The following HAO2 variants were observed in gnomAD, a reference collection of about 807,000 sequenced individuals.
HAO2 encodes 2-Hydroxyacid oxidase 2.
In HAO2, 42 loss-of-function variants were observed where a neutral mutation model predicts 37.4. That is an observed-to-expected ratio of 1.12 (90% CI 0.88 to 1.45). The LOEUF (loss-of-function observed/expected upper bound fraction) is 1.45. Ranked by LOEUF, HAO2 falls within the 40% of genes most tolerant of loss-of-function variation. The probability of loss-of-function intolerance (pLI) is 0.00; values close to 1 mark genes in which losing one functional copy is unlikely to be tolerated. For missense variants in HAO2, 476 were observed against 430.2 expected (o/e 1.11, Z -0.94); for synonymous variants, 180 against 162.8 (o/e 1.11, Z -0.81).
chr1:119,388,267 C>T (rs587678078), intron 5 of HAO2, among the ~76,000 whole-genome samples: 2 of 152,274 alleles, frequency 1.3e-5, no homozygotes, highest in African/African-American at 2.4e-5. Context: ...ATGAAGAGCC[C>T]ATTACCAACA....
At chr1:119,381,532 G>A (rs997210768) in intron 2 of HAO2, among the ~76,000 whole-genome samples, 1 of 152,178 alleles carries the variant, frequency 6.6e-6, no homozygotes, top group Non-Finnish European at 1.5e-5. Context: ...TGGGCCTGCT[G>A]GGAGGCCTAG....
chr1:119,370,027 C>T (rs1356526300), intron 1 of HAO2: 1 of 152,154 alleles, frequency 6.6e-6, no homozygotes, highest in East Asian at 1.9e-4. Context: ...AGCTGATCTC[C>T]AGGGCTACCC....
At chr1:119,382,473 G>T (rs1238892178) in intron 2 of HAO2, among the ~76,000 whole-genome samples, 1 of 152,154 alleles carries the variant, frequency 6.6e-6, no homozygotes, top group African/African-American at 2.4e-5. Context: ...CTCATTCAGT[G>T]ACCTTTTCTT....
chr1:119,381,077 G>A lies in HAO2; in HGVS notation c.-8-1G>A, dbSNP rs754192177. On this transcript the variant is annotated splice_acceptor_variant, in intron 1 of 7. Transcript: ENST00000325945. LOFTEE classifies it low-confidence loss of function (5UTR_SPLICE). ...GTTTGGTTTTGTTTTCTCCTTGGAA[G>A]GTCCAGAAATGTCCTTGGTGTGTTT... The A allele has an allele frequency of 1.1e-5, 17 of 1,612,990 alleles. No individual in the cohort carries two copies. The highest frequency in any genetic ancestry group is 6.7e-5 in the Admixed American group (4 of 59,974).
At chr1:119,383,129 G>A (rs1650095289) in intron 3 of HAO2, 63 bp downstream of exon 3, 1 of 1,224,384 alleles carries the variant, frequency 8.2e-7, no homozygotes, top group Non-Finnish European at 1.2e-6. Context: ...AGCAGTGGCA[G>A]AGGCTCCAAG....
rs587776109 is a variant in HAO2, at chr1:119,375,474, C to G, written c.-8-5604C>G. Among the ~76,000 whole-genome samples, 6 of 152,092 alleles carry G rather than the reference C, an allele frequency of 3.9e-5. No homozygotes were observed. In the East Asian group the frequency reaches 9.6e-4, roughly 24 times the overall value. ...TATTTTTCAACCTACAAAATTATCT[C>G]GAGTTCAATATGGCAAGTCATTTAT... On this transcript the variant is annotated intron_variant, in intron 1 of 7. Coordinates refer to ENST00000325945, the MANE Select transcript of HAO2 (RefSeq NM_016527.4).
In HAO2 at chr1:119,384,906, C is replaced by A. The variant is rs1650258003; in HGVS notation, c.414C>A (p.Asn138Lys). ...ATGTGCATCCAGACCTGCAGCTGAA[C>A]AAACAGTTGATCCAGAGGGTAGAAT... is the stretch of plus-strand genomic sequence containing the variant. ...QLYVHPDLQLNKQLIQRVESL... is the reference protein window; with the variant it reads ...QLYVHPDLQLKKQLIQRVESL... The change falls in exon 4 of 8, where the codon AAC becomes AAA. Residue 138 changes from asparagine to lysine, a missense_variant. Coordinates refer to ENST00000325945, the MANE Select transcript of HAO2 (RefSeq NM_016527.4). 1 of 1,613,880 alleles carries A rather than the reference C, an allele frequency of 6.2e-7. No individual in the cohort carries two copies. Among genetic ancestry groups the A allele is most frequent in the South Asian group, 1.1e-5 (1 of 91,076 alleles).
chr1:119,369,488 G>T (rs185277006), intron 1 of HAO2, among the ~76,000 whole-genome samples: 10 of 152,252 alleles, frequency 6.6e-5, no homozygotes, highest in African/African-American at 2.4e-4. Flanking sequence ...AAGACAGGGA[G>T]GTACTGGTAT....
chr1:119,390,366 C>T (rs1233670116), intron 5 of HAO2, among the ~76,000 whole-genome samples: 2 of 152,156 alleles, frequency 1.3e-5, no homozygotes, highest in African/African-American at 2.4e-5. Context: ...ATTCTCCTGC[C>T]TTAGCCTCCC....
chr1:119,382,498 T>C (rs1481358921), intron 2 of HAO2, among the ~76,000 whole-genome samples: 1 of 152,190 alleles, frequency 6.6e-6, no homozygotes, highest in South Asian at 2.1e-4. Flanking sequence ...TCTGGAGACT[T>C]GGGCCTAACC....
chr1:119,377,484 CT>C (rs1270244354), intron 1 of HAO2, among the ~76,000 whole-genome samples: 1 of 152,220 alleles, frequency 6.6e-6, no homozygotes, highest in African/African-American at 2.4e-5. Context: ...GCCCTCCAAA[CT>C]GTTCCAACCT....
intron 4 of HAO2, among the ~76,000 whole-genome samples, chr1:119,386,296 C>G (rs1032564166): frequency 6.6e-6 from 1 of 152,174 alleles, no homozygotes; most frequent in African/African-American, 2.4e-5. Flanking sequence ...TCACTGCAGT[C>G]TAGACCTCCT....
chr1:119,382,072 A>G (rs1649992119), intron 2 of HAO2, among the ~76,000 whole-genome samples: 2 of 152,202 alleles, frequency 1.3e-5, no homozygotes, highest in South Asian at 4.1e-4. Context: ...AAAATGGTAT[A>G]AAAGGGAGCC....
At chr1:119,391,850 C>G (rs980576789) in intron 5 of HAO2, among the ~76,000 whole-genome samples, 17 of 152,082 alleles carry the variant, frequency 1.1e-4, no homozygotes, top group African/African-American at 3.6e-4. Flanking sequence ...AAAGAATAAC[C>G]AAGCAGTTCT....
At chr1:119,389,823 C>T (rs189502263) in intron 5 of HAO2, among the ~76,000 whole-genome samples, 1 of 152,122 alleles carries the variant, frequency 6.6e-6, no homozygotes, top group East Asian at 1.9e-4. Flanking sequence ...TTTGTTTTTA[C>T]TGTATTTGCT....
intron 3 of HAO2, among the ~76,000 whole-genome samples, chr1:119,383,948 T>C (rs1248980049): frequency 1.3e-5 from 2 of 152,190 alleles, no homozygotes; most frequent in Non-Finnish European, 2.9e-5. Context: ...CATGGTTGAA[T>C]GTGTTGTTTG....
At chr1:119,387,304 T>G (rs587637097) in intron 5 of HAO2, among the ~76,000 whole-genome samples, 3 of 152,360 alleles carry the variant, frequency 2.0e-5, no homozygotes, top group Non-Finnish European at 2.9e-5. Flanking sequence ...ATGTTCATTA[T>G]AAATGAAGTT....
chr1:119,385,866 A>C (rs1650342397), intron 4 of HAO2: 1 of 984,982 alleles, frequency 1.0e-6, no homozygotes, highest in African/African-American at 1.7e-5. Flanking sequence ...GAGATTTATA[A>C]ATGTTTGATG....
intron 5 of HAO2, among the ~76,000 whole-genome samples, chr1:119,390,296 C>T (rs370465175): frequency 7.9e-5 from 12 of 152,240 alleles, no homozygotes; most frequent in African/African-American, 1.4e-4. Context: ...TTGTCACCCA[C>T]GCTGGAGGGC....
Sources: gnomAD v4.1 joint callset for allele counts (sites outside exome capture counted in the v4.1 genomes callset) on GRCh38, gnomAD v4.1.1 for gene constraint, MANE v1.5 for transcripts, NCBI Gene and HGNC (gene_info 2026-07-23, HGNC 2026-07-21) for gene names.